The following CADM1 variants were observed in gnomAD, a reference collection of about 807,000 sequenced individuals.
The protein encoded by CADM1 is cell adhesion molecule 1.
Under a neutral mutation model 53.1 loss-of-function variants are expected in CADM1, and 15 were observed. That is an observed-to-expected ratio of 0.28 (90% CI 0.19 to 0.44). CADM1 has a LOEUF of 0.44. Ranked by LOEUF, CADM1 falls within the 20% of genes least tolerant of loss-of-function variation. The pLI is 1.00. For synonymous variants in CADM1, 281 were observed against 243.0 expected (o/e 1.16, Z -1.45); for missense variants, 434 against 611.3 (o/e 0.71, Z 3.06).
intron 1 of CADM1, among the ~76,000 whole-genome samples, chr11:115,431,201 C>T (rs989603369): frequency 6.6e-6 from 1 of 152,128 alleles, no homozygotes; most frequent in African/African-American, 2.4e-5. Flanking sequence ...TTTGAAGACG[C>T]AAAATAAGGA....
At chr11:115,359,384 A>T (rs998108266) in intron 1 of CADM1, among the ~76,000 whole-genome samples, 1 of 152,176 alleles carries the variant, frequency 6.6e-6, no homozygotes, top group Admixed American at 6.5e-5. Flanking sequence ...CAATGTATTA[A>T]GATGAGATGA....
chr11:115,346,907 G>A (rs568323267), intron 1 of CADM1, among the ~76,000 whole-genome samples: 4 of 151,936 alleles, frequency 2.6e-5, no homozygotes, highest in South Asian at 2.1e-4. Flanking sequence ...ATGTATAGCC[G>A]TATTTAACAA....
chr11:115,226,164 G>A (rs1941599313), intron 5 of CADM1, among the ~76,000 whole-genome samples: 1 of 151,798 alleles, frequency 6.6e-6, no homozygotes, highest in African/African-American at 2.4e-5. Context: ...TTATTTTAAA[G>A]CTTATTAGAC....
At chr11:115,406,766 G>A (rs1006471755) in intron 1 of CADM1, among the ~76,000 whole-genome samples, 9 of 151,302 alleles carry the variant, frequency 5.9e-5, no homozygotes, top group Non-Finnish European at 1.3e-4. Flanking sequence ...GGCCAACATG[G>A]TGAAACCCCA....
At position 115,430,018 on chromosome 11, in the gene CADM1, A is replaced by G. The variant is rs184210606; in HGVS notation, c.124+74253T>C. On this transcript the variant is annotated intron_variant, in intron 1 of 11. Transcript: ENST00000331581. Reference sequence around the variant, plus strand: ...ACCCAGGATTTCTCCACATTCTACAATCCTATAGTGCAAATTAAATGTCAA... The same window carrying G: ...ACCCAGGATTTCTCCACATTCTACAGTCCTATAGTGCAAATTAAATGTCAA... 2.2e-3 allele frequency among the ~76,000 whole-genome samples: 329 copies of G among 149,032 alleles called. 2 individuals carry two copies. Among genetic ancestry groups the G allele is most frequent in the Non-Finnish European group, 3.9e-3 (264 of 67,740 alleles).
rs140778565 is a variant in CADM1 at position 115,430,492 on chromosome 11, A to G, written c.124+73779T>C. ...CCTTAAGCTGCCAACATCAAAGCAAAAGAGTCCTGCCTTAGTGAGAACCAC... is the reference window on the plus strand; with the variant it reads ...CCTTAAGCTGCCAACATCAAAGCAAGAGAGTCCTGCCTTAGTGAGAACCAC... On this transcript the variant is annotated intron_variant, in intron 1 of 11. Transcript: ENST00000331581. Among the ~76,000 whole-genome samples, 68 of 152,350 alleles carry G rather than the reference A, an allele frequency of 4.5e-4. 1 individual carries two copies. The East Asian group carries it at 0.013, about 29-fold the overall frequency.
chr11:115,198,477 C>G, intron 8 of CADM1, 39 bp from the exon 9 acceptor site: 1 of 1,569,772 alleles, frequency 6.4e-7, no homozygotes, highest in Non-Finnish European at 8.6e-7. Context: ...AGGGAAGAAA[C>G]AGGAGGAACG....
At chr11:115,422,862 A>G (rs1259698932) in intron 1 of CADM1, among the ~76,000 whole-genome samples, 1 of 152,160 alleles carries the variant, frequency 6.6e-6, no homozygotes, top group Non-Finnish European at 1.5e-5. Flanking sequence ...TTTTTCTGAC[A>G]CTCAGAAACG....
At chr11:115,283,953 G>C (rs1943652476) in intron 1 of CADM1, among the ~76,000 whole-genome samples, 1 of 152,184 alleles carries the variant, frequency 6.6e-6, no homozygotes, top group African/African-American at 2.4e-5. Flanking sequence ...GAATGCAATG[G>C]ACAAGTGAAG....
rs528378728 is a variant in CADM1 at position 115,457,972 on chromosome 11, A to T, written c.124+46299T>A. 2.6e-5 allele frequency among the ~76,000 whole-genome samples: 4 copies of T among 152,278 alleles called. No homozygotes were observed. The East Asian group carries it at 5.8e-4, about 22-fold the overall frequency. The stretch of plus-strand genomic sequence containing the variant: ...TTATTTGTGAAGAATCCATTCCAGC[A>T]GGAAATTGAACTAGAGACCTTTTGC... On this transcript the variant is annotated intron_variant, in intron 1 of 11. Coordinates refer to ENST00000331581, the MANE Select transcript of CADM1 (RefSeq NM_001301043.2).
intron 9 of CADM1, among the ~76,000 whole-genome samples, chr11:115,195,760 C>T (rs569257550): frequency 1.3e-5 from 2 of 152,256 alleles, no homozygotes; most frequent in South Asian, 2.1e-4. Flanking sequence ...GACAACTGAC[C>T]TGGAAGTTTT....
chr11:115,241,278 T>C (rs1391675529), intron 1 of CADM1, among the ~76,000 whole-genome samples: 2 of 151,944 alleles, frequency 1.3e-5, no homozygotes, highest in Non-Finnish European at 2.9e-5. Flanking sequence ...GAGAAGTGAG[T>C]TCAACTCAGA....
Position 115,173,661 on chromosome 11 carries a change from CAG to C in CADM1, c.*2811_*2812del, listed in dbSNP as rs1938878040. ...CATTAATTTTTTTTTATTAAGAAGA[CAG>C]ATATTTTATAGTACTTCTTTTTTTT... On this transcript the variant is annotated 3_prime_UTR_variant, in exon 12 of 12. Coordinates refer to ENST00000331581, the MANE Select transcript of CADM1 (RefSeq NM_001301043.2). 3 of 426,576 alleles carry C rather than the reference CAG, an allele frequency of 7.0e-6. No homozygotes were observed. The highest frequency in any genetic ancestry group is 1.0e-4 in the South Asian group (1 of 9,994). The allele number at this position is 426,576 out of a possible 1,614,324, so 26.4% of individuals were successfully genotyped here.
At chr11:115,435,941 C>G (rs1250959090) in intron 1 of CADM1, among the ~76,000 whole-genome samples, 1 of 152,066 alleles carries the variant, frequency 6.6e-6, no homozygotes, top group Non-Finnish European at 1.5e-5. Flanking sequence ...TTGGAAAAAG[C>G]TTAGCACACG....
intron 1 of CADM1, among the ~76,000 whole-genome samples, chr11:115,466,138 AC>A (rs2135382533): frequency 6.6e-6 from 1 of 152,190 alleles, no homozygotes; most frequent in African/African-American, 2.4e-5. Flanking sequence ...CATTTCCCCC[AC>A]CCTGTGGCAC....
At chr11:115,228,703 G>A (rs1479522130) in intron 5 of CADM1, among the ~76,000 whole-genome samples, 1 of 152,074 alleles carries the variant, frequency 6.6e-6, no homozygotes, top group Non-Finnish European at 1.5e-5. Context: ...CTAAAATAGA[G>A]GAGGAATGTC....
intron 1 of CADM1, among the ~76,000 whole-genome samples, chr11:115,421,433 C>G (rs1489014872): frequency 6.6e-6 from 1 of 152,202 alleles, no homozygotes; most frequent in Non-Finnish European, 1.5e-5. Flanking sequence ...TGTCGCATCT[C>G]AACACAGCAG....
chr11:115,256,154 T>C (rs552526600), intron 1 of CADM1, among the ~76,000 whole-genome samples: 14 of 152,340 alleles, frequency 9.2e-5, no homozygotes, highest in African/African-American at 3.1e-4. Flanking sequence ...CAGAGGTTTG[T>C]TATAGAAGTG....
chr11:115,297,938 C>T (rs112386695), intron 1 of CADM1, among the ~76,000 whole-genome samples: 1 of 152,208 alleles, frequency 6.6e-6, no homozygotes, highest in African/African-American at 2.4e-5. Flanking sequence ...TACCTCTGGA[C>T]TGCACTGCAT....
Sources: allele counts gnomAD v4.1 joint callset (sites outside exome capture counted in the v4.1 genomes callset), GRCh38; gene constraint gnomAD v4.1.1; transcripts MANE v1.5; gene names NCBI Gene and HGNC (gene_info 2026-07-23, HGNC 2026-07-21).